The following ARB2A variants were observed in gnomAD, a reference collection of about 807,000 sequenced individuals.
ARB2A encodes ARB2 cotranscriptional regulator A, also known as cotranscriptional regulator ARB2A.
the ARB2A span, among the ~76,000 whole-genome samples, chr5:93,880,708 C>T: frequency 6.6e-6 from 1 of 151,616 alleles, no homozygotes; most frequent in Non-Finnish European, 1.5e-5. Context: ...TGTCAACATT[C>T]TGAATATGTC....
the ARB2A span, among the ~76,000 whole-genome samples, chr5:93,968,482 C>T: frequency 1.3e-5 from 2 of 151,888 alleles, no homozygotes; most frequent in Admixed American, 1.3e-4. Flanking sequence ...ACTCAATGAG[C>T]TTAAAGATAA....
the ARB2A span, among the ~76,000 whole-genome samples, chr5:93,857,099 T>C: frequency 6.6e-6 from 1 of 152,146 alleles, no homozygotes; most frequent in Non-Finnish European, 1.5e-5. Context: ...GAACAGCGGA[T>C]TTTCACGAAC....
the ARB2A span, among the ~76,000 whole-genome samples, chr5:93,778,603 C>T: frequency 2.0e-5 from 3 of 152,006 alleles, no homozygotes; most frequent in Admixed American, 6.6e-5. Flanking sequence ...TTAGCACTAC[C>T]GACAGACAGG....
At chr5:94,099,397 G>A in the ARB2A span, among the ~76,000 whole-genome samples, 1 of 152,034 alleles carries the variant, frequency 6.6e-6, no homozygotes, top group South Asian at 2.1e-4. Context: ...GGTTGAAGTG[G>A]GTGGATCACG....
chr5:93,703,154 A>T, the ARB2A span, among the ~76,000 whole-genome samples: 1 of 152,200 alleles, frequency 6.6e-6, no homozygotes, highest in Non-Finnish European at 1.5e-5. Context: ...CCCTAAACAC[A>T]TACACAATAT....
chr5:94,090,919 C>A, the ARB2A span, among the ~76,000 whole-genome samples: 3 of 152,004 alleles, frequency 2.0e-5, no homozygotes, highest in Non-Finnish European at 2.9e-5. Flanking sequence ...AATTCAGCAA[C>A]AATTTATTTT....
the ARB2A span, among the ~76,000 whole-genome samples, chr5:94,005,869 A>C: frequency 1.3e-5 from 2 of 152,210 alleles, no homozygotes; most frequent in African/African-American, 2.4e-5. Flanking sequence ...TGAAAAAAAC[A>C]TAGTGACAAC....
chr5:93,983,017 C>T, the ARB2A span, among the ~76,000 whole-genome samples: 1 of 152,156 alleles, frequency 6.6e-6, no homozygotes, highest in East Asian at 1.9e-4. Flanking sequence ...GATTGCACCA[C>T]TGTACTCCAG....
the ARB2A span, among the ~76,000 whole-genome samples, chr5:94,101,706 C>T: frequency 1.9e-4 from 29 of 152,216 alleles, no homozygotes; most frequent in South Asian, 1.2e-3. Context: ...CAAATACTGA[C>T]TGCATGTTCT....
the ARB2A span, among the ~76,000 whole-genome samples, chr5:94,102,215 T>C: frequency 6.6e-6 from 1 of 151,768 alleles, no homozygotes; most frequent in Non-Finnish European, 1.5e-5. Context: ...AGAATCTGGA[T>C]GGCAAGGAGA....
chr5:93,776,119 A>G, the ARB2A span: 1 of 1,500,584 alleles, frequency 6.7e-7, no homozygotes, highest in Non-Finnish European at 9.1e-7. Context: ...TTTCACCCTG[A>G]AAAACAACAG....
chr5:93,852,301 G>T, the ARB2A span, among the ~76,000 whole-genome samples: 1 of 151,978 alleles, frequency 6.6e-6, no homozygotes, highest in Admixed American at 6.6e-5. Flanking sequence ...TGATGGGGTT[G>T]TTTGTTTTTT....
At chr5:93,919,105 A>C in the ARB2A span, among the ~76,000 whole-genome samples, 1 of 152,190 alleles carries the variant, frequency 6.6e-6, no homozygotes, top group African/African-American at 2.4e-5. Flanking sequence ...GTGTCAGCAA[A>C]GTTAGGGAGA....
At chr5:93,921,932 C>T in the ARB2A span, among the ~76,000 whole-genome samples, 1 of 152,214 alleles carries the variant, frequency 6.6e-6, no homozygotes, top group South Asian at 2.1e-4. Context: ...CATCCAGACC[C>T]CCAAGAGTTC....
chr5:93,744,237 C>G, the ARB2A span, among the ~76,000 whole-genome samples: 19 of 151,818 alleles, frequency 1.3e-4, no homozygotes, highest in Non-Finnish European at 2.4e-4. Context: ...GAGTTCAAGA[C>G]CAGCCTGACC....
chr5:93,830,188 C>G, the ARB2A span, among the ~76,000 whole-genome samples: 1 of 151,058 alleles, frequency 6.6e-6, no homozygotes, highest in Non-Finnish European at 1.5e-5. Flanking sequence ...AGAGTTTCCA[C>G]CTATTGATGG....
At chr5:93,949,557 A>G in the ARB2A span, among the ~76,000 whole-genome samples, 2 of 151,816 alleles carry the variant, frequency 1.3e-5, no homozygotes, top group African/African-American at 4.8e-5. Flanking sequence ...GAGAGTCTCT[A>G]ATAATAAAAA....
At chr5:93,661,034 ATAACT>A in the ARB2A span, among the ~76,000 whole-genome samples, 1 of 152,214 alleles carries the variant, frequency 6.6e-6, no homozygotes, top group East Asian at 1.9e-4. Flanking sequence ...TAATAACTAA[ATAACT>A]TAACAAATGT....
At chr5:93,917,913 A>T in the ARB2A span, among the ~76,000 whole-genome samples, 2 of 152,130 alleles carry the variant, frequency 1.3e-5, no homozygotes, top group Non-Finnish European at 2.9e-5. Context: ...TTCAACATTT[A>T]TAATGTATTT....
Sources: allele counts gnomAD v4.1 joint callset (sites outside exome capture counted in the v4.1 genomes callset), GRCh38; gene constraint gnomAD v4.1.1; transcripts MANE v1.5; gene names NCBI Gene and HGNC (gene_info 2026-07-23, HGNC 2026-07-21).